Variants in PER2 observed in about 807,000 individuals in gnomAD.
PER2 encodes the protein period circadian regulator 2.
PER2 carries 66 observed loss-of-function variants against 121.0 expected under a neutral mutation model. That is an observed-to-expected ratio of 0.55 (90% CI 0.45 to 0.67). The LOEUF is 0.67. Ranked by LOEUF, PER2 falls within the 30% of genes least tolerant of loss-of-function variation. The pLI is 0.00. For missense variants in PER2, 1,521 were observed against 1,635.0 expected (o/e 0.93, Z 1.20); for synonymous variants, 684 against 659.9 (o/e 1.04, Z -0.56).
chr2:238,291,775 G>A (rs1250369362), upstream of PER2, among the ~76,000 whole-genome samples: 2 of 152,232 alleles, frequency 1.3e-5, no homozygotes, highest in African/African-American at 4.8e-5. Context: ...GCTCACAGAG[G>A]TGACCTCAAG....
chr2:238,273,729 G>A (rs940578890), intron 4 of PER2, among the ~76,000 whole-genome samples: 2 of 152,122 alleles, frequency 1.3e-5, no homozygotes, highest in African/African-American at 2.4e-5. Context: ...GCAGTGGCAC[G>A]ATCTCAGCTC....
rs1033301908 is a variant in PER2, at chr2:238,271,218, G to A, written c.772+94C>T. 4.5e-6 allele frequency: 5 copies of A among 1,106,804 alleles called. No individual in the cohort carries two copies. In the African/African-American group the frequency reaches 7.7e-5, roughly 17 times the overall value. The allele number at this position is 1,106,804 out of a possible 1,614,324, so 68.6% of individuals were successfully genotyped here. A position where few individuals can be genotyped will look rare whatever the true frequency, so the allele number is the denominator to read the frequency against. On this transcript the variant is annotated intron_variant, in intron 6 of 22. Coordinates refer to ENST00000254657, the MANE Select transcript of PER2 (RefSeq NM_022817.3). ...CCCCCACAGGTGGGCTCTGAAAGGT[G>A]AGGCAGGGCGCCTGCACCACATCTG...
upstream of PER2, among the ~76,000 whole-genome samples, chr2:238,288,967 G>T (rs1696882679): frequency 6.6e-6 from 1 of 152,194 alleles, no homozygotes; most frequent in African/African-American, 2.4e-5. Context: ...TGTTCACCTC[G>T]TCGGTTCCTC....
At chr2:238,287,437 C>T (rs1045098166) in intron 1 of PER2, among the ~76,000 whole-genome samples, 1 of 152,226 alleles carries the variant, frequency 6.6e-6, no homozygotes, top group Admixed American at 6.5e-5. Context: ...AGAGGGTGGG[C>T]CAAGAAGTCT....
chr2:238,249,141 G>A lies in PER2; in HGVS notation c.3539C>T (p.Thr1180Met), dbSNP rs1001193812. The A allele has an allele frequency of 5.0e-6, 8 of 1,613,928 alleles. No individual in the cohort carries two copies. Among genetic ancestry groups the A allele is most frequent in the African/African-American group, 1.3e-5 (1 of 74,926 alleles). The change falls in exon 22 of 23, where the codon ACG becomes ATG. Residue 1180 changes from threonine to methionine, a missense_variant. Physicochemically the swap from Thr to Met is moderately conservative, Grantham distance 81 (BLOSUM62 -1). Transcript: ENST00000254657. ...GCGCAGCTCCTGCTTCTGACTCTCCGTGAACCTGGGCTGGAGTTTCTGTAG... is the reference window on the plus strand; with the variant it reads ...GCGCAGCTCCTGCTTCTGACTCTCCATGAACCTGGGCTGGAGTTTCTGTAG... ...KLLQKLQPRF[T>M]ESQKQELREV... is the part of the protein sequence containing the mutation.
At chr2:238,269,002 T>C (rs768167041) in intron 6 of PER2, 28 bp from the exon 7 acceptor site, 27 of 1,547,710 alleles carry the variant, frequency 1.7e-5, no homozygotes, top group Non-Finnish European at 2.2e-5. Context: ...AAGTCATTCA[T>C]CCAAACCAAC....
At chr2:238,250,079 A>G (rs576091822) in intron 21 of PER2, among the ~76,000 whole-genome samples, 19 of 152,316 alleles carry the variant, frequency 1.2e-4, no homozygotes, top group African/African-American at 3.6e-4. Flanking sequence ...GCAGTTCCCT[A>G]TGGCAGCCTG....
Position 238,261,564 on chromosome 2 carries a change from G to A in PER2, c.1416+165C>T, listed in dbSNP as rs60284433. Reference sequence around the variant, plus strand: ...AGCCAAGGGTACTATGGACTGTCTCGGACTAGCACAGTCTATGCCCAAACT... The same window carrying A: ...AGCCAAGGGTACTATGGACTGTCTCAGACTAGCACAGTCTATGCCCAAACT... On this transcript the variant is annotated intron_variant, in intron 12 of 22. Coordinates refer to ENST00000254657, the MANE Select transcript of PER2 (RefSeq NM_022817.3). 7,241 of 666,416 alleles carry A rather than the reference G, an allele frequency of 0.011. 371 individuals are homozygous for A. In the African/African-American group the frequency reaches 0.11, roughly 10 times the overall value. The allele number at this position is 666,416 out of a possible 1,614,324, so 41.3% of individuals were successfully genotyped here. A position where few individuals can be genotyped will look rare whatever the true frequency, so the allele number is the denominator to read the frequency against.
intron 6 of PER2, among the ~76,000 whole-genome samples, chr2:238,270,390 A>G (rs1330698555): frequency 1.3e-5 from 2 of 152,196 alleles, no homozygotes; most frequent in East Asian, 3.8e-4. Flanking sequence ...GGATTTAAAA[A>G]ACAGAAATCT....
intron 9 of PER2, 90 bp downstream of exon 9, chr2:238,265,422 G>T: frequency 2.5e-6 from 2 of 795,040 alleles, no homozygotes; most frequent in East Asian, 5.0e-5. Context: ...CCATTATCAT[G>T]TAATTATAAA....
intron 8 of PER2, among the ~76,000 whole-genome samples, chr2:238,266,294 T>C (rs1361005725): frequency 6.6e-6 from 1 of 151,974 alleles, no homozygotes; most frequent in Non-Finnish European, 1.5e-5. Flanking sequence ...ATTTCTTTTT[T>C]TTTTTTTTAA....
chr2:238,244,518 T>C lies in PER2; in HGVS notation c.*1857A>G, dbSNP rs1695393751. ...ATAACTGTAACCTTAGATGAACACC[T>C]ATCCCTTCATGATCTGACTTTAGAG... is the stretch of plus-strand genomic sequence containing the variant. On this transcript the variant is annotated 3_prime_UTR_variant, in exon 23 of 23. Coordinates refer to ENST00000254657, the MANE Select transcript of PER2 (RefSeq NM_022817.3). The C allele has an allele frequency of 6.6e-6, 1 of 152,270 alleles. No homozygotes were observed. The highest frequency in any genetic ancestry group is 1.5e-5 in the Non-Finnish European group (1 of 68,036). The allele number at this position is 152,270 out of a possible 1,614,324, so 9.4% of individuals were successfully genotyped here. A position where few individuals can be genotyped will look rare whatever the true frequency, so the allele number is the denominator to read the frequency against.
At position 238,244,567 on chromosome 2, in the gene PER2, G is replaced by A. The variant is rs976975152; in HGVS notation, c.*1808C>T. On this transcript the variant is annotated 3_prime_UTR_variant, in exon 23 of 23. Transcript: ENST00000254657. ...AGGCAAGGAGTTTGTAACATCTAAT[G>A]GCCATAAGAATGCAGACTGCTACCT... is the stretch of plus-strand genomic sequence containing the variant. 1.3e-5 allele frequency: 2 copies of A among 152,152 alleles called. No homozygotes were observed. The highest frequency in any genetic ancestry group is 2.4e-5 in the African/African-American group (1 of 41,424). 9.4% of individuals were successfully genotyped at this position (152,152 alleles called of 1,614,324 possible).
chr2:238,285,990 C>G (rs895352339), intron 1 of PER2, among the ~76,000 whole-genome samples: 1 of 152,102 alleles, frequency 6.6e-6, no homozygotes, highest in African/African-American at 2.4e-5. Context: ...GGTTGGGTAA[C>G]TGAGGAAAAT....
chr2:238,297,240 G>C, the PER2 span, among the ~76,000 whole-genome samples: 1 of 152,324 alleles, frequency 6.6e-6, no homozygotes, highest in Admixed American at 6.5e-5. Flanking sequence ...AAATGACAAA[G>C]GAAAGGGGCT....
intron 5 of PER2, 84 bp downstream of exon 5, chr2:238,272,986 G>T: frequency 7.7e-7 from 1 of 1,306,950 alleles, no homozygotes; most frequent in Non-Finnish European, 1.1e-6. Flanking sequence ...CTGCCTTACA[G>T]CCACCGGCCG....
intron 1 of PER2, among the ~76,000 whole-genome samples, chr2:238,280,711 C>A (rs971712612): frequency 2.0e-5 from 3 of 152,118 alleles, no homozygotes; most frequent in African/African-American, 4.8e-5. Flanking sequence ...CCGGGTTTTA[C>A]CTGTGGATTA....
At chr2:238,269,765 C>T (rs1363849528) in intron 6 of PER2, among the ~76,000 whole-genome samples, 8 of 152,250 alleles carry the variant, frequency 5.3e-5, no homozygotes, top group Admixed American at 2.6e-4. Flanking sequence ...AGCACAGTCA[C>T]GGATGTCCAG....
chr2:238,266,096 G>A (rs370984068), intron 8 of PER2, among the ~76,000 whole-genome samples: 129 of 151,922 alleles, frequency 8.5e-4, no homozygotes, highest in Middle Eastern at 6.8e-3. Flanking sequence ...GTTGAGGTGG[G>A]GTTTCACCGT....
Sources: allele counts gnomAD v4.1 joint callset (sites outside exome capture counted in the v4.1 genomes callset), GRCh38; gene constraint gnomAD v4.1.1; transcripts MANE v1.5; gene names NCBI Gene and HGNC (gene_info 2026-07-23, HGNC 2026-07-21).